Variants in CLVS1 observed in about 807,000 individuals in gnomAD.
The protein encoded by CLVS1 is clavesin-1.
Under a neutral mutation model 33.1 loss-of-function variants are expected in CLVS1, and 10 were observed. That is an observed-to-expected ratio of 0.30 (90% CI 0.19 to 0.51). The LOEUF is 0.51. Ranked by LOEUF, CLVS1 falls within the 20% of genes least tolerant of loss-of-function variation. CLVS1 has a pLI of 0.97. For synonymous variants in CLVS1, 163 were observed against 166.1 expected (o/e 0.98, Z 0.14); for missense variants, 343 against 433.4 (o/e 0.79, Z 1.85).
intron 2 of CLVS1, among the ~76,000 whole-genome samples, chr8:61,136,113 G>C (rs1302887325): frequency 2.0e-5 from 3 of 152,194 alleles, no homozygotes; most frequent in Non-Finnish European, 4.4e-5. Flanking sequence ...ATTTTTAATA[G>C]GCCTTCCGAA....
intron 2 of CLVS1, among the ~76,000 whole-genome samples, chr8:61,358,794 C>A (rs904787854): frequency 6.6e-6 from 1 of 152,100 alleles, no homozygotes; most frequent in East Asian, 1.9e-4. Context: ...ATACATCAGG[C>A]ACATAGATTT....
chr8:61,054,666 T>C (rs1211812583), upstream of CLVS1, among the ~76,000 whole-genome samples: 1 of 152,122 alleles, frequency 6.6e-6, no homozygotes, highest in Non-Finnish European at 1.5e-5. Flanking sequence ...TTGGGTGTCT[T>C]CTCGGTGTGT....
intron 5 of CLVS1, among the ~76,000 whole-genome samples, chr8:61,461,110 G>A (rs946705846): frequency 2.0e-4 from 30 of 152,154 alleles, no homozygotes; most frequent in African/African-American, 7.2e-4. Context: ...GTTGGTCCAT[G>A]AACAAGATAA....
intron 2 of CLVS1, among the ~76,000 whole-genome samples, chr8:61,358,810 G>T (rs1370159792): frequency 1.3e-5 from 2 of 152,092 alleles, no homozygotes; most frequent in Non-Finnish European, 2.9e-5. Flanking sequence ...GATTTAAGTT[G>T]TCCACCCAAA....
chr8:61,374,649 A>G (rs1370441820), intron 2 of CLVS1, among the ~76,000 whole-genome samples: 1 of 152,252 alleles, frequency 6.6e-6, no homozygotes, highest in Non-Finnish European at 1.5e-5. Flanking sequence ...GGAATAGGAC[A>G]TCTCTAAAAA....
chr8:61,129,326 G>T (rs1343576865), intron 1 of CLVS1, among the ~76,000 whole-genome samples: 1 of 152,246 alleles, frequency 6.6e-6, no homozygotes, highest in African/African-American at 2.4e-5. Context: ...AGAGTACACT[G>T]ATTTGGGCAC....
chr8:61,363,526 CT>C (rs1196394903), intron 2 of CLVS1, among the ~76,000 whole-genome samples: 1 of 152,162 alleles, frequency 6.6e-6, no homozygotes, highest in African/African-American at 2.4e-5. Flanking sequence ...TCTTTCACCA[CT>C]TTCATAAAAT....
intron 2 of CLVS1, among the ~76,000 whole-genome samples, chr8:61,359,798 T>C (rs147897792): frequency 5.8e-4 from 89 of 152,308 alleles, no homozygotes; most frequent in Non-Finnish European, 1.1e-3. Context: ...GAAAACCTGG[T>C]TTCCTTTTCC....
chr8:61,375,623 C>A (rs773965286), intron 2 of CLVS1, among the ~76,000 whole-genome samples: 1 of 152,112 alleles, frequency 6.6e-6, no homozygotes, highest in African/African-American at 2.4e-5. Context: ...TTGGAATGCT[C>A]AAGATTCTGA....
At chr8:61,259,376 C>T (rs1809152048) in intron 2 of CLVS1, among the ~76,000 whole-genome samples, 1 of 152,170 alleles carries the variant, frequency 6.6e-6, no homozygotes, top group African/African-American at 2.4e-5. Flanking sequence ...AGAGGGGTTC[C>T]TGACCTTGAC....
chr8:61,228,023 T>G (rs1210814546), intron 2 of CLVS1, among the ~76,000 whole-genome samples: 2 of 152,206 alleles, frequency 1.3e-5, no homozygotes, highest in East Asian at 1.9e-4. Context: ...CGAGTGCCCT[T>G]AGAAAGTGGA....
intron 3 of CLVS1, among the ~76,000 whole-genome samples, chr8:61,449,499 A>C (rs1333220731): frequency 6.6e-6 from 1 of 152,180 alleles, no homozygotes; most frequent in Admixed American, 6.5e-5. Flanking sequence ...TGCTAGGGTG[A>C]AGATCAGGCT....
chr8:61,063,192 T>A (rs967506497), intron 1 of CLVS1, among the ~76,000 whole-genome samples: 2 of 147,798 alleles, frequency 1.4e-5, no homozygotes, highest in African/African-American at 4.9e-5. Context: ...GACAGACCTA[T>A]AAATAAACGA....
intron 1 of CLVS1, among the ~76,000 whole-genome samples, chr8:61,294,396 A>G (rs1810111996): frequency 6.6e-6 from 1 of 152,168 alleles, no homozygotes; most frequent in Non-Finnish European, 1.5e-5. Flanking sequence ...TACTCCATGA[A>G]TATTTGTTGG....
intron 2 of CLVS1, among the ~76,000 whole-genome samples, chr8:61,350,644 C>T (rs1170876354): frequency 1.3e-5 from 2 of 152,156 alleles, no homozygotes; most frequent in Non-Finnish European, 2.9e-5. Flanking sequence ...CTCTTTTCCA[C>T]TCTTACACCA....
At chr8:61,063,747 C>A (rs1443125311) in intron 1 of CLVS1, among the ~76,000 whole-genome samples, 5 of 152,148 alleles carry the variant, frequency 3.3e-5, no homozygotes, top group African/African-American at 1.2e-4. Context: ...ATAAAATTAC[C>A]ATTTTAACCA....
intron 5 of CLVS1, among the ~76,000 whole-genome samples, chr8:61,475,440 C>T (rs1465693769): frequency 6.6e-6 from 1 of 152,240 alleles, no homozygotes; most frequent in African/African-American, 2.4e-5. Flanking sequence ...TATTTCTCCA[C>T]ACCCTCTCCA....
chr8:61,087,605 T>A (rs1408167142), intron 1 of CLVS1, among the ~76,000 whole-genome samples: 2 of 152,086 alleles, frequency 1.3e-5, no homozygotes, highest in Non-Finnish European at 2.9e-5. Flanking sequence ...GGGAAACAGA[T>A]CTCAACATTG....
At chr8:61,247,552 G>T (rs1317059382) in intron 2 of CLVS1, among the ~76,000 whole-genome samples, 1 of 152,134 alleles carries the variant, frequency 6.6e-6, no homozygotes, top group African/African-American at 2.4e-5. Context: ...AATGATCAGT[G>T]CTATTGAGCT....
Sources: gnomAD v4.1 joint callset for allele counts (sites outside exome capture counted in the v4.1 genomes callset) on GRCh38, gnomAD v4.1.1 for gene constraint, MANE v1.5 for transcripts, NCBI Gene and HGNC (gene_info 2026-07-23, HGNC 2026-07-21) for gene names.